The following LRP1B variants were observed in gnomAD, a reference collection of about 807,000 sequenced individuals.
LRP1B encodes the protein low-density lipoprotein receptor-related protein 1B.
Under a neutral mutation model 556.6 loss-of-function variants are expected in LRP1B, and 217 were observed. That is an observed-to-expected ratio of 0.39 (90% CI 0.35 to 0.44). LRP1B has a LOEUF of 0.44. Among genes scored for constraint, LRP1B ranks in the 20% least tolerant of loss-of-function variants. The pLI is 1.00. For synonymous variants in LRP1B, 2,047 were observed against 1,865.8 expected, an observed-to-expected ratio of 1.10 and a Z score of -2.50; for missense variants, 5,053 against 5,620.8, an observed-to-expected ratio of 0.90 and a Z score of 3.23.
chr2:141,922,323 C>T (rs1213090016), intron 1 of LRP1B, among the ~76,000 whole-genome samples: 3 of 152,176 alleles, frequency 2.0e-5, no homozygotes, highest in African/African-American at 7.2e-5. Context: ...CAAGCTTCAT[C>T]TCATCCCCTA....
intron 7 of LRP1B, among the ~76,000 whole-genome samples, chr2:141,143,884 C>G (rs1228554042): frequency 6.7e-6 from 1 of 150,186 alleles, no homozygotes; most frequent in Non-Finnish European, 1.5e-5. Flanking sequence ...AGTTAAATGA[C>G]TTGGTTTGGG....
intron 47 of LRP1B, among the ~76,000 whole-genome samples, chr2:140,532,868 C>T (rs893531453): frequency 7.4e-6 from 1 of 136,012 alleles, no homozygotes; most frequent in Non-Finnish European, 1.6e-5. Flanking sequence ...TTTGAGGATA[C>T]TTGCAAGCCA....
chr2:140,715,327 T>C (rs78470890), intron 37 of LRP1B, among the ~76,000 whole-genome samples: 1,988 of 152,136 alleles, frequency 0.013, 39 homozygotes, highest in South Asian at 0.051. Flanking sequence ...TATAAGATAA[T>C]ATCAAATTTA....
intron 23 of LRP1B, among the ~76,000 whole-genome samples, chr2:140,889,303 C>G (rs1573847103): frequency 6.6e-6 from 1 of 152,002 alleles, no homozygotes; most frequent in East Asian, 1.9e-4. Context: ...TATTCTTAAA[C>G]TTTTCTTTTT....
At chr2:141,969,896 T>C (rs981163161) in intron 1 of LRP1B, among the ~76,000 whole-genome samples, 8 of 151,636 alleles carry the variant, frequency 5.3e-5, no homozygotes, top group African/African-American at 1.9e-4. Context: ...CACTAAGGTT[T>C]GTGGAAATAC....
At chr2:140,419,208 T>C (rs1365030102) in intron 66 of LRP1B, among the ~76,000 whole-genome samples, 1 of 152,156 alleles carries the variant, frequency 6.6e-6, no homozygotes, top group Non-Finnish European at 1.5e-5. Context: ...TCACCAGATA[T>C]AAAGGTTATT....
At chr2:140,659,693 T>C (rs1266433641) in intron 41 of LRP1B, among the ~76,000 whole-genome samples, 1 of 152,086 alleles carries the variant, frequency 6.6e-6, no homozygotes, top group Non-Finnish European at 1.5e-5. Flanking sequence ...AAACTTGAAC[T>C]CTCACTGGGG....
chr2:141,674,761 A>G (rs1358150741), intron 2 of LRP1B, among the ~76,000 whole-genome samples: 1 of 151,998 alleles, frequency 6.6e-6, no homozygotes, highest in Non-Finnish European at 1.5e-5. Context: ...TTGTATCCAG[A>G]TATTTCTGAA....
chr2:141,525,268 G>A (rs1374197851), intron 2 of LRP1B, among the ~76,000 whole-genome samples: 1 of 152,064 alleles, frequency 6.6e-6, no homozygotes, highest in African/African-American at 2.4e-5. Flanking sequence ...GAAGATAGAG[G>A]ATTTGAAGGA....
intron 2 of LRP1B, among the ~76,000 whole-genome samples, chr2:141,664,827 C>T (rs1187399313): frequency 6.6e-6 from 1 of 152,100 alleles, no homozygotes; most frequent in East Asian, 1.9e-4. Context: ...CTACCATTGA[C>T]ATCCTCACAG....
chr2:140,633,585 AT>A (rs1030133964), intron 41 of LRP1B, among the ~76,000 whole-genome samples: 15 of 152,292 alleles, frequency 9.8e-5, no homozygotes, highest in Admixed American at 9.8e-4. Flanking sequence ...CAGTGGATTC[AT>A]TTTTTTAAAG....
chr2:141,475,729 G>A (rs905899986), intron 3 of LRP1B, among the ~76,000 whole-genome samples: 7 of 151,940 alleles, frequency 4.6e-5, no homozygotes, highest in Admixed American at 1.3e-4. Context: ...GAGAAGCGAC[G>A]GAGCATCTGA....
At chr2:141,282,261 T>TA (rs975874251) in intron 3 of LRP1B, among the ~76,000 whole-genome samples, 1 of 151,960 alleles carries the variant, frequency 6.6e-6, no homozygotes, top group Admixed American at 6.6e-5. Context: ...ATAATATAAA[T>TA]AAAACACTAG....
At chr2:140,813,942 T>C (rs2105037785) in intron 31 of LRP1B, 136 bp from the exon 32 acceptor site, 1 of 635,866 alleles carries the variant, frequency 1.6e-6, no homozygotes, top group East Asian at 2.8e-5. Flanking sequence ...ATCTGGCTAA[T>C]AGGGAAATAC....
chr2:141,532,745 G>GGA, intron 2 of LRP1B, among the ~76,000 whole-genome samples: 1 of 152,194 alleles, frequency 6.6e-6, no homozygotes, highest in South Asian at 2.1e-4. Flanking sequence ...CAGCACTTTG[G>GGA]GAGGTCAAGG....
At chr2:140,464,033 T>C (rs1047323234) in intron 60 of LRP1B, among the ~76,000 whole-genome samples, 1 of 151,862 alleles carries the variant, frequency 6.6e-6, no homozygotes, top group Non-Finnish European at 1.5e-5. Context: ...ACATCTCTAC[T>C]AAAAATACAA....
At chr2:140,748,339 A>C (rs1182252222) in intron 35 of LRP1B, among the ~76,000 whole-genome samples, 9 of 127,776 alleles carry the variant, frequency 7.0e-5, no homozygotes, top group South Asian at 2.2e-4. Context: ...TTATATTCAT[A>C]TATTATATTC....
intron 7 of LRP1B, among the ~76,000 whole-genome samples, chr2:141,185,688 A>AAC (rs1553472454): frequency 3.0e-5 from 1 of 33,864 alleles, no homozygotes; most frequent in African/African-American, 7.1e-5. Context: ...ACAAACAAAC[A>AAC]AAAAAAAACA....
chr2:141,445,635 T>C (rs1002602775), intron 3 of LRP1B, among the ~76,000 whole-genome samples: 2 of 152,236 alleles, frequency 1.3e-5, no homozygotes, highest in South Asian at 4.1e-4. Flanking sequence ...TTTGTTCTCA[T>C]TGGTTTCAAA....
Sources: gnomAD v4.1 joint callset for allele counts (sites outside exome capture counted in the v4.1 genomes callset) on GRCh38, gnomAD v4.1.1 for gene constraint, MANE v1.5 for transcripts, NCBI Gene and HGNC (gene_info 2026-07-23, HGNC 2026-07-21) for gene names.